CCDC74A: variants seen among roughly 807,000 people sequenced by gnomAD.
CCDC74A encodes the protein coiled-coil domain-containing protein 74A.
A neutral mutation model predicts 37.6 loss-of-function variants in CCDC74A; 38 were observed. That is an observed-to-expected ratio of 1.01 (90% CI 0.78 to 1.33). The LOEUF is 1.33. Ranked by LOEUF, CCDC74A falls within the 40% of genes most tolerant of loss-of-function variation. CCDC74A has a pLI of 0.00. For missense variants in CCDC74A, 340 were observed against 403.4 expected (o/e 0.84, Z 1.35); for synonymous variants, 134 against 165.2 (o/e 0.81, Z 1.45).
chr2:131,528,575 C>A, intron 1 of CCDC74A: 3 of 1,105,674 alleles, frequency 2.7e-6, no homozygotes, highest in Non-Finnish European at 4.0e-6. Flanking sequence ...CTTTGGGAGG[C>A]CGAGACGGGC....
rs745403262 is a variant in CCDC74A, at chr2:131,529,400, C to A, written c.251-247C>A. 1.8e-5 allele frequency: 12 copies of A among 654,546 alleles called. No homozygotes were observed. In the South Asian group the frequency reaches 2.0e-4, roughly 11 times the overall value. The allele number at this position is 654,546 out of a possible 1,614,324, so 40.5% of individuals were successfully genotyped here. A position where few individuals can be genotyped will look rare whatever the true frequency, so the allele number is the denominator to read the frequency against. ...CTGCCTGGGCAGTGTGGATGCCCTC[C>A]AGTCATCTCAGATGGATGAGGCCGA... On this transcript the variant is annotated intron_variant, in intron 1 of 7. Transcript: ENST00000409856.
upstream of CCDC74A, among the ~76,000 whole-genome samples, chr2:131,525,510 C>A (rs1268313256): frequency 6.6e-6 from 1 of 151,954 alleles, no homozygotes; most frequent in Non-Finnish European, 1.5e-5. Context: ...CAGCCATGCA[C>A]CTGACTTTTC....
upstream of CCDC74A, among the ~76,000 whole-genome samples, chr2:131,524,364 T>C (rs1209538293): frequency 1.3e-5 from 2 of 152,206 alleles, no homozygotes; most frequent in African/African-American, 4.8e-5. Context: ...GGCCACTGGA[T>C]GCACTCATAT....
chr2:131,528,742 C>T, intron 1 of CCDC74A: 1 of 365,252 alleles, frequency 2.7e-6, no homozygotes, highest in Non-Finnish European at 5.3e-6. Context: ...ACCCGGGAGG[C>T]GGAGCTTGCA....
At chr2:131,529,481 C>G (rs777692477) in intron 1 of CCDC74A, 166 bp from the exon 2 acceptor site, 193 of 910,772 alleles carry the variant, frequency 2.1e-4, no homozygotes, top group Non-Finnish European at 3.6e-5. Context: ...GCCTGACACC[C>G]ACGACGAAGG....
chr2:131,529,495 G>A lies in CCDC74A; in HGVS notation c.251-152G>A, dbSNP rs1308103786. 2.0e-5 allele frequency: 20 copies of A among 1,017,896 alleles called. 1 individual carries two copies. The South Asian group carries it at 2.5e-4, about 13-fold the overall frequency. 63.1% of individuals were successfully genotyped at this position (1,017,896 alleles called of 1,614,324 possible). A position where few individuals can be genotyped will look rare whatever the true frequency, so the allele number is the denominator to read the frequency against. ...GGCCTGACACCCACGACGAAGGCGT[G>A]GTGGAGAGCGGGATCCATGGGGCAG... On this transcript the variant is annotated intron_variant, in intron 1 of 7. Transcript: ENST00000409856.
upstream of CCDC74A, among the ~76,000 whole-genome samples, chr2:131,524,607 G>A (rs919789084): frequency 1.4e-4 from 22 of 152,130 alleles, no homozygotes; most frequent in Admixed American, 1.1e-3. Context: ...GGCAGCCACT[G>A]CTGCAATCTC....
rs1680885068 is a variant in CCDC74A, at chr2:131,529,678, A to G, written c.282A>G (p.Thr94=). The change falls in exon 2 of 8, where the codon ACA becomes ACG. Residue 94 remains threonine, a synonymous_variant. Transcript: ENST00000409856. ...ATTACAAGCTCATAATGAATCAGAC[A>G]TCACAGAAGAAAGGTGAGAACTGGG... ...DLHYKLIMNQ[T]SQKKDSLSMS... 3 of 1,613,918 alleles carry G rather than the reference A, an allele frequency of 1.9e-6. No homozygotes were observed. Among genetic ancestry groups the G allele is most frequent in the African/African-American group, 2.7e-5 (2 of 74,944 alleles).
At chr2:131,526,823 C>T (rs10177392), upstream of CCDC74A, among the ~76,000 whole-genome samples, 1,851 of 152,222 alleles carry the variant, frequency 0.012, 35 homozygotes, top group Non-Finnish European at 0.013. Flanking sequence ...TTTTGTCTCC[C>T]TGTTGCCTTT....
At chr2:131,530,067 G>T (rs1256652876) in intron 2 of CCDC74A, 11 of 1,550,432 alleles carry the variant, frequency 7.1e-6, no homozygotes, top group Non-Finnish European at 9.6e-6. Context: ...CCAGCCCTAT[G>T]GCTCTGAGTC....
rs1346800360 is a variant in CCDC74A, at chr2:131,533,169, T to G, written c.809+100T>G. The G allele has an allele frequency of 6.8e-6, 11 of 1,608,080 alleles. No homozygotes were observed. The African/African-American group carries it at 1.3e-4, about 20-fold the overall frequency. On this transcript the variant is annotated intron_variant, in intron 7 of 7. Coordinates refer to ENST00000409856, the MANE Select transcript of CCDC74A (RefSeq NM_001258306.3). ...GTGGCAGCGCAGAAGCAGAGCTCGC[T>G]GAGGCCTCTCTGTGCCCCCGTGAGG...
upstream of CCDC74A, chr2:131,527,700 G>T (rs909075885): frequency 3.7e-5 from 17 of 461,734 alleles, no homozygotes; most frequent in Non-Finnish European, 5.9e-5. Flanking sequence ...TCGCCATGTT[G>T]GTCAGGCTGG....
intron 1 of CCDC74A, chr2:131,529,430 C>A (rs556767141): frequency 1.4e-6 from 1 of 704,320 alleles, no homozygotes; most frequent in Non-Finnish European, 2.6e-6. Context: ...GGCCGATATG[C>A]CCGGTGGGCT....
chr2:131,531,988 G>A (rs1409064089), intron 4 of CCDC74A, among the ~76,000 whole-genome samples, 186 bp downstream of exon 4: 1 of 149,470 alleles, frequency 6.7e-6, no homozygotes, highest in Non-Finnish European at 1.5e-5. Flanking sequence ...CCCATCGGTG[G>A]GCGCTGTCTT....
At chr2:131,529,280 T>C in intron 1 of CCDC74A, 1 of 444,610 alleles carries the variant, frequency 2.2e-6, no homozygotes, top group East Asian at 4.2e-5. Context: ...AATGTCTTCT[T>C]GAGCCTCCCC....
upstream of CCDC74A, among the ~76,000 whole-genome samples, chr2:131,525,176 A>G (rs564911667): frequency 2.0e-5 from 3 of 152,342 alleles, no homozygotes; most frequent in Admixed American, 6.5e-5. Flanking sequence ...GTTAAAAAAA[A>G]ATAAAGATTA....
In CCDC74A at chr2:131,533,434, C is replaced by T. The variant is rs534839674; in HGVS notation, c.*36C>T. On this transcript the variant is annotated 3_prime_UTR_variant, in exon 8 of 8. Coordinates refer to ENST00000409856, the MANE Select transcript of CCDC74A (RefSeq NM_001258306.3). ...TCTGGTCAGTGCCAGGCCCACCAAC[C>T]TGCAGCTGGAGACTGGCTCTCTATA... 1.0e-4 allele frequency: 165 copies of T among 1,609,522 alleles called. 1 individual carries two copies. Among genetic ancestry groups the T allele is most frequent in the Non-Finnish European group, 1.4e-4 (160 of 1,177,332 alleles).
chr2:131,524,678 C>T (rs1486891865), upstream of CCDC74A, among the ~76,000 whole-genome samples: 3 of 151,932 alleles, frequency 2.0e-5, no homozygotes, highest in African/African-American at 7.3e-5. Flanking sequence ...ACACACCTTC[C>T]AGGAGGTTTT....
chr2:131,525,369 C>T (rs763004573), upstream of CCDC74A, among the ~76,000 whole-genome samples: 9 of 151,976 alleles, frequency 5.9e-5, no homozygotes, highest in Non-Finnish European at 1.0e-4. Context: ...CAGGTGTGCA[C>T]CACCATGCAG....
Sources: gnomAD v4.1 joint callset for allele counts (sites outside exome capture counted in the v4.1 genomes callset) on GRCh38, gnomAD v4.1.1 for gene constraint, MANE v1.5 for transcripts, NCBI Gene and HGNC (gene_info 2026-07-23, HGNC 2026-07-21) for gene names.